SLC15A1: variants seen among roughly 807,000 people sequenced by gnomAD.
SLC15A1 encodes Caco-2 oligopeptide transporter.
SLC15A1 carries 83 observed loss-of-function variants against 92.9 expected under a neutral mutation model. That is an observed-to-expected ratio of 0.89 (90% confidence interval 0.75 to 1.07). The LOEUF is 1.07. Ranked by LOEUF, SLC15A1 falls within the 50% of genes least tolerant of loss-of-function variation. The pLI is 0.00. For missense variants in SLC15A1, 857 were observed against 880.1 expected (o/e 0.97, Z 0.33); for synonymous variants, 322 against 318.2 (o/e 1.01, Z -0.13).
At chr13:98,710,315 C>A (rs2088151515) in intron 11 of SLC15A1, among the ~76,000 whole-genome samples, 1 of 152,110 alleles carries the variant, frequency 6.6e-6, no homozygotes, top group Non-Finnish European at 1.5e-5. Flanking sequence ...TTGTTAACAG[C>A]CATTTTGACA....
At chr13:98,707,044 A>G (rs2088118161) in intron 15 of SLC15A1, among the ~76,000 whole-genome samples, 1 of 152,154 alleles carries the variant, frequency 6.6e-6, no homozygotes, top group Non-Finnish European at 1.5e-5. Context: ...CAAATGCCTG[A>G]TGCTCTCCTG....
intron 1 of SLC15A1, among the ~76,000 whole-genome samples, chr13:98,727,335 G>A (rs2088310862): frequency 6.6e-6 from 1 of 152,118 alleles, no homozygotes; most frequent in Non-Finnish European, 1.5e-5. Flanking sequence ...TTTAAGTCTT[G>A]CCACCGATAT....
chr13:98,686,117 C>T (rs1376111301), intron 22 of SLC15A1, 73 bp downstream of exon 22: 15 of 1,110,570 alleles, frequency 1.4e-5, no homozygotes, highest in Non-Finnish European at 2.0e-5. Flanking sequence ...ACACAGATGG[C>T]TAGGGAAGGC....
intron 1 of SLC15A1, among the ~76,000 whole-genome samples, chr13:98,750,907 A>G (rs1415918026): frequency 6.6e-6 from 1 of 152,040 alleles, no homozygotes; most frequent in African/African-American, 2.4e-5. Flanking sequence ...ACCCGCCACT[A>G]TGCCCAGCTA....
chr13:98,693,176 C>A (rs1353980038), intron 18 of SLC15A1, among the ~76,000 whole-genome samples: 1 of 135,982 alleles, frequency 7.4e-6, no homozygotes, highest in African/African-American at 2.8e-5. Context: ...CAGCTCACTG[C>A]AACCTCCGCC....
intron 22 of SLC15A1, 59 bp from the exon 23 acceptor site, chr13:98,684,974 A>G: frequency 7.1e-7 from 1 of 1,415,996 alleles, no homozygotes; most frequent in Non-Finnish European, 9.8e-7. Context: ...GGTCATACTG[A>G]TGAATATATG....
Position 98,704,329 on chromosome 13 carries a change from C to A in SLC15A1, c.1376G>T (p.Arg459Leu), listed in dbSNP as rs771067175. Reference protein sequence around the residue: ...AVTDDFKQGQRHTLLVWAPNH... With the variant: ...AVTDDFKQGQLHTLLVWAPNH... ...GGGGGCCCACACTAGAAGCGTGTGG[C>A]GTTGGCCCTGCTTGAAGTCGTCAGT... Residue 459 changes from arginine to leucine, a missense_variant, in exon 17 of 23, where the codon CGC becomes CTC. Arg to Leu is a moderately radical substitution (Grantham distance 102, BLOSUM62 -2). Transcript: ENST00000376503. The A allele has an allele frequency of 6.2e-7, 1 of 1,613,616 alleles. No individual in the cohort carries two copies. Among genetic ancestry groups the A allele is most frequent in the Non-Finnish European group, 8.5e-7 (1 of 1,179,740 alleles).
rs373726394 is a variant in SLC15A1, at chr13:98,712,610, T to C, written c.724-26A>G. ...CTGAAGGAAGGAAGAAAAATCGAAT[T>C]TCAAAACAGGACCAACAACTTTGTC... On this transcript the variant is annotated intron_variant, in intron 9 of 22. Coordinates refer to ENST00000376503, the MANE Select transcript of SLC15A1 (RefSeq NM_005073.4). The C allele has an allele frequency of 4.5e-5, 70 of 1,542,196 alleles. No individual in the cohort carries two copies. In the African/African-American group the frequency reaches 7.3e-4, roughly 16 times the overall value.
chr13:98,693,436 A>G (rs867507984), intron 18 of SLC15A1, among the ~76,000 whole-genome samples: 22 of 152,304 alleles, frequency 1.4e-4, no homozygotes, highest in Non-Finnish European at 8.8e-5. Context: ...GAAGGTAGGC[A>G]GTGGTATCTC....
chr13:98,706,706 G>A (rs1475443864), intron 15 of SLC15A1, among the ~76,000 whole-genome samples: 1 of 152,112 alleles, frequency 6.6e-6, no homozygotes, highest in Non-Finnish European at 1.5e-5. Flanking sequence ...TGACTGTGAC[G>A]CTTCCCCAGC....
chr13:98,690,768 C>T (rs2087968699), intron 18 of SLC15A1, among the ~76,000 whole-genome samples: 1 of 152,088 alleles, frequency 6.6e-6, no homozygotes, highest in African/African-American at 2.4e-5. Context: ...GCCTTTGGCT[C>T]CGAGGCTACA....
At chr13:98,744,970 T>C (rs1458063711) in intron 1 of SLC15A1, among the ~76,000 whole-genome samples, 2 of 152,134 alleles carry the variant, frequency 1.3e-5, no homozygotes, top group African/African-American at 2.4e-5. Context: ...GTCTTCTAAT[T>C]TTAGAATTAG....
At position 98,687,866 on chromosome 13, in the gene SLC15A1, C is replaced by T. The variant is rs1303874332; in HGVS notation, c.1684-142G>A. The T allele has an allele frequency of 6.2e-6, 6 of 974,294 alleles. No individual in the cohort carries two copies. In the African/African-American group the frequency reaches 6.6e-5, roughly 11 times the overall value. The allele number at this position is 974,294 out of a possible 1,614,324, so 60.4% of individuals were successfully genotyped here. ...TACACATTTTAAACATAAGGCAACA[C>T]TGCATTTTACACTTGCAATGGGATT... is the stretch of plus-strand genomic sequence containing the variant. On this transcript the variant is annotated intron_variant, in intron 20 of 22. Transcript: ENST00000376503.
chr13:98,740,347 C>G (rs995005338), intron 1 of SLC15A1, among the ~76,000 whole-genome samples: 2 of 152,210 alleles, frequency 1.3e-5, no homozygotes, highest in Non-Finnish European at 2.9e-5. Flanking sequence ...GCAACCTGAG[C>G]TTCCCCCAGT....
At chr13:98,721,931 C>T in intron 5 of SLC15A1, 28 bp from the exon 6 acceptor site, 2 of 1,584,752 alleles carry the variant, frequency 1.3e-6, no homozygotes, top group South Asian at 1.1e-5. Flanking sequence ...TTAGGGCCAA[C>T]ATGGCAGATC....
chr13:98,748,451 C>T (rs930123818), intron 1 of SLC15A1, among the ~76,000 whole-genome samples: 1 of 152,072 alleles, frequency 6.6e-6, no homozygotes, highest in African/African-American at 2.4e-5. Context: ...CCGCCATGCC[C>T]AGCTAATATT....
intron 17 of SLC15A1, among the ~76,000 whole-genome samples, chr13:98,703,515 A>G (rs1593986562): frequency 7.2e-6 from 1 of 137,966 alleles, no homozygotes; most frequent in Non-Finnish European, 1.5e-5. Context: ...TAGCTCAACT[A>G]TACCTTTGTA....
intron 1 of SLC15A1, among the ~76,000 whole-genome samples, chr13:98,750,116 AT>A (rs1288226088): frequency 1.5e-3 from 220 of 144,918 alleles, no homozygotes; most frequent in African/African-American, 1.7e-3. Flanking sequence ...CCAAAGCAAC[AT>A]TTTTTTTTTT....
chr13:98,723,337 T>A (rs1029235659), intron 5 of SLC15A1, among the ~76,000 whole-genome samples: 1 of 152,210 alleles, frequency 6.6e-6, no homozygotes, highest in African/African-American at 2.4e-5. Context: ...AGTTTACTTA[T>A]AGATCAAGGA....
Sources: allele counts gnomAD v4.1 joint callset (sites outside exome capture counted in the v4.1 genomes callset), GRCh38; gene constraint gnomAD v4.1.1; transcripts MANE v1.5; gene names NCBI Gene and HGNC (gene_info 2026-07-23, HGNC 2026-07-21).